Variants in SLC30A8 observed in about 807,000 individuals in gnomAD.
SLC30A8 encodes the protein solute carrier family 30 member 8.
A neutral mutation model predicts 36.9 loss-of-function variants in SLC30A8; 27 were observed. The observed-to-expected ratio is 0.73, with a 90% CI of 0.54 to 1.01. SLC30A8 has a LOEUF of 1.01. SLC30A8 is among the 50% of genes least tolerant of loss of function. SLC30A8 has a pLI of 0.00. For missense variants in SLC30A8, 439 were observed against 452.0 expected (o/e 0.97, Z 0.26); for synonymous variants, 164 against 172.4 (o/e 0.95, Z 0.38).
intron 1 of SLC30A8, among the ~76,000 whole-genome samples, chr8:117,011,110 C>CGA (rs1816330681): frequency 6.6e-6 from 1 of 152,074 alleles, no homozygotes; most frequent in South Asian, 2.1e-4. Context: ...GGCTACAGCC[C>CGA]GAGAGAACGA....
chr8:117,041,096 A>G (rs1817374737), intron 2 of SLC30A8, among the ~76,000 whole-genome samples: 1 of 152,194 alleles, frequency 6.6e-6, no homozygotes, highest in Non-Finnish European at 1.5e-5. Flanking sequence ...CAAACCAAAC[A>G]GTTTGCCATT....
At chr8:117,022,863 C>CA (rs1439930873) in intron 1 of SLC30A8, among the ~76,000 whole-genome samples, 1 of 152,060 alleles carries the variant, frequency 6.6e-6, no homozygotes. Context: ...CAACAAAAGC[C>CA]AAAATTGACA....
intron 2 of SLC30A8, among the ~76,000 whole-genome samples, chr8:117,093,245 G>A (rs1453462707): frequency 6.6e-6 from 1 of 151,850 alleles, no homozygotes; most frequent in Non-Finnish European, 1.5e-5. Flanking sequence ...TTAGACCATG[G>A]CTTGACAGCT....
At chr8:117,084,735 C>T (rs1818806819) in intron 2 of SLC30A8, among the ~76,000 whole-genome samples, 1 of 152,112 alleles carries the variant, frequency 6.6e-6, no homozygotes, top group African/African-American at 2.4e-5. Context: ...AATTCCAGTA[C>T]AGTCTCTCCG....
chr8:117,064,484 A>G (rs1358819084), intron 2 of SLC30A8, among the ~76,000 whole-genome samples: 4 of 152,334 alleles, frequency 2.6e-5, no homozygotes, highest in Admixed American at 6.5e-5. Context: ...TGAGCACACA[A>G]TTCTGCCTAG....
At chr8:117,045,049 A>G (rs555403579) in intron 2 of SLC30A8, among the ~76,000 whole-genome samples, 3 of 152,346 alleles carry the variant, frequency 2.0e-5, no homozygotes, top group Non-Finnish European at 2.9e-5. Flanking sequence ...TACTGACAGC[A>G]TTGCCTTCTG....
At chr8:117,034,203 GT>G (rs1054173421) in intron 1 of SLC30A8, among the ~76,000 whole-genome samples, 6 of 152,074 alleles carry the variant, frequency 3.9e-5, no homozygotes, top group African/African-American at 1.2e-4. Flanking sequence ...AGTACTGTGG[GT>G]TTTATTTTTT....
At chr8:117,048,210 A>G (rs1401464458) in intron 2 of SLC30A8, among the ~76,000 whole-genome samples, 1 of 152,168 alleles carries the variant, frequency 6.6e-6, no homozygotes, top group Non-Finnish European at 1.5e-5. Context: ...TCTGGTAACA[A>G]TTTGACTTTA....
At chr8:117,157,936 G>T in intron 4 of SLC30A8, 92 bp downstream of exon 4, 1 of 1,390,954 alleles carries the variant, frequency 7.2e-7, no homozygotes. Context: ...CAGTACATGT[G>T]AAGATGGTAG....
intron 1 of SLC30A8, among the ~76,000 whole-genome samples, chr8:117,037,980 A>ATGATAAG: frequency 6.6e-6 from 1 of 152,358 alleles, no homozygotes; most frequent in Admixed American, 6.5e-5. Context: ...AGATTCAGAC[A>ATGATAAG]TTGCAGGTGA....
At chr8:117,106,794 T>C (rs555447241) in intron 2 of SLC30A8, among the ~76,000 whole-genome samples, 1 of 152,306 alleles carries the variant, frequency 6.6e-6, no homozygotes, top group East Asian at 1.9e-4. Flanking sequence ...GATTGCATCT[T>C]CCCTGCTCCA....
chr8:117,170,964 C>T, intron 6 of SLC30A8, 70 bp from the exon 7 acceptor site: 2 of 1,382,776 alleles, frequency 1.4e-6, no homozygotes, highest in South Asian at 1.5e-5. Flanking sequence ...GACTTTGCAG[C>T]TTGTTTAGGT....
intron 2 of SLC30A8, among the ~76,000 whole-genome samples, chr8:117,055,047 C>G (rs942785677): frequency 6.6e-6 from 1 of 152,176 alleles, no homozygotes; most frequent in Non-Finnish European, 1.5e-5. Context: ...TGGACCTTAA[C>G]TTGACCATCT....
intron 2 of SLC30A8, among the ~76,000 whole-genome samples, chr8:117,123,021 T>C (rs1272532876): frequency 6.6e-6 from 1 of 152,020 alleles, no homozygotes; most frequent in East Asian, 1.9e-4. Context: ...CCTTTATCAC[T>C]AAGCCCATTG....
chr8:117,050,830 G>A (rs1489000966), intron 2 of SLC30A8, among the ~76,000 whole-genome samples: 1 of 152,240 alleles, frequency 6.6e-6, no homozygotes, highest in Non-Finnish European at 1.5e-5. Flanking sequence ...AGAAGGAACA[G>A]TGGAGAAGAG....
intron 1 of SLC30A8, among the ~76,000 whole-genome samples, chr8:116,977,347 G>A (rs1258373428): frequency 6.7e-6 from 1 of 148,392 alleles, no homozygotes; most frequent in African/African-American, 2.5e-5. Context: ...TAGAGACGGG[G>A]TTTCACTGTG....
At chr8:117,064,412 G>A (rs1818108034) in intron 2 of SLC30A8, among the ~76,000 whole-genome samples, 1 of 152,198 alleles carries the variant, frequency 6.6e-6, no homozygotes, top group African/African-American at 2.4e-5. Flanking sequence ...GATGGTGCTT[G>A]TTGGTTAATT....
At chr8:117,124,473 C>A (rs1820816082) in intron 2 of SLC30A8, among the ~76,000 whole-genome samples, 1 of 151,818 alleles carries the variant, frequency 6.6e-6, no homozygotes, top group Non-Finnish European at 1.5e-5. Flanking sequence ...CACAGGCTTT[C>A]ATGGTTGCCA....
intron 2 of SLC30A8, among the ~76,000 whole-genome samples, chr8:117,072,015 C>T (rs1242970828): frequency 6.6e-6 from 1 of 152,166 alleles, no homozygotes; most frequent in Non-Finnish European, 1.5e-5. Context: ...GCTTCCTCAT[C>T]AGGAGCTTCC....
Sources: allele counts gnomAD v4.1 joint callset (sites outside exome capture counted in the v4.1 genomes callset), GRCh38; gene constraint gnomAD v4.1.1; transcripts MANE v1.5; gene names NCBI Gene and HGNC (gene_info 2026-07-23, HGNC 2026-07-21).